TRIM9: variants seen among roughly 807,000 people sequenced by gnomAD.
The protein encoded by TRIM9 is tripartite motif containing 9.
In TRIM9, 26 loss-of-function variants were observed where a neutral mutation model predicts 78.3. That is an observed-to-expected ratio of 0.33 (90% confidence interval 0.24 to 0.46). The LOEUF is 0.46. TRIM9 is among the 20% of genes least tolerant of loss of function. TRIM9 has a pLI of 1.00. For missense variants in TRIM9, 787 were observed against 1,036.4 expected (o/e 0.76, Z 3.30); for synonymous variants, 398 against 416.5 (o/e 0.96, Z 0.54).
Position 50,998,132 on chromosome 14 carries a change from G to C in TRIM9, c.1521C>G (p.Ser507Arg). ...AGGCCTTGACCCGAGCGTTGTATGT[G>C]CTGTTGAAGTGAAGACCATCCACAG... ...MCTVDGLHFN[S>R]TYNARVKAFN... The change falls in exon 7 of 13, where the codon AGC (serine) becomes AGG (arginine). Residue 507 changes from serine (S) to arginine (R), a missense_variant. Ser to Arg is a moderately radical substitution (Grantham distance 110). This residue lies in a region of TRIM9 where 421 missense variants were observed against 514.3 expected (regional missense o/e 0.82). Coordinates refer to ENST00000684578, the MANE Select transcript of TRIM9 (RefSeq NM_001387360.1). 6.2e-7 allele frequency: 1 copy of C among 1,614,192 alleles called. No individual in the cohort carries two copies. Among genetic ancestry groups the C allele is most frequent in the Non-Finnish European group, 8.5e-7 (1 of 1,180,030 alleles).
At chr14:51,025,627 T>A (rs2058145729) in intron 1 of TRIM9, among the ~76,000 whole-genome samples, 2 of 152,200 alleles carry the variant, frequency 1.3e-5, no homozygotes, top group South Asian at 4.1e-4. Flanking sequence ...CTTCATCTCC[T>A]CCTTCATTGA....
At chr14:51,064,924 A>G (rs74054028) in intron 1 of TRIM9, among the ~76,000 whole-genome samples, 3,799 of 152,242 alleles carry the variant, frequency 0.025, 164 homozygotes, top group African/African-American at 0.088. Context: ...ATCATAAATA[A>G]AGCTTAAGGC....
chr14:51,068,201 T>C (rs1480365571), intron 1 of TRIM9, among the ~76,000 whole-genome samples: 1 of 152,152 alleles, frequency 6.6e-6, no homozygotes, highest in Non-Finnish European at 1.5e-5. Flanking sequence ...ATTTACTAAT[T>C]GCCAAGTATC....
intron 1 of TRIM9, among the ~76,000 whole-genome samples, chr14:51,030,435 C>T (rs1416053214): frequency 4.6e-5 from 7 of 152,220 alleles, no homozygotes; most frequent in Admixed American, 2.0e-4. Flanking sequence ...CCTCCAAGAC[C>T]AGCTGGTCTG....
At chr14:51,015,045 A>G (rs1213790679) in intron 3 of TRIM9, among the ~76,000 whole-genome samples, 1 of 152,232 alleles carries the variant, frequency 6.6e-6, no homozygotes, top group Non-Finnish European at 1.5e-5. Flanking sequence ...TTATCAGCGG[A>G]GCCACCATCT....
At chr14:50,993,350 G>A (rs997315059) in intron 7 of TRIM9, among the ~76,000 whole-genome samples, 12 of 151,662 alleles carry the variant, frequency 7.9e-5, no homozygotes, top group Non-Finnish European at 1.3e-4. Flanking sequence ...AAGCTGGAAC[G>A]CTACTCTTTT....
chr14:51,039,234 G>A (rs537054037), intron 1 of TRIM9, among the ~76,000 whole-genome samples: 3 of 152,318 alleles, frequency 2.0e-5, no homozygotes, highest in Non-Finnish European at 4.4e-5. Context: ...GCTACTGAGA[G>A]TGTTAAAATG....
At chr14:51,044,887 G>C (rs996273348) in intron 1 of TRIM9, among the ~76,000 whole-genome samples, 2 of 152,030 alleles carry the variant, frequency 1.3e-5, no homozygotes, top group African/African-American at 4.8e-5. Flanking sequence ...AGTCATTTTT[G>C]TTTTGTTTTT....
intron 3 of TRIM9, among the ~76,000 whole-genome samples, chr14:51,011,539 C>T (rs896874778): frequency 1.3e-5 from 2 of 152,154 alleles, no homozygotes; most frequent in African/African-American, 2.4e-5. Context: ...TAACTACTCA[C>T]ATCCCCAATA....
At chr14:50,980,123 C>T (rs1451490204) in intron 11 of TRIM9, among the ~76,000 whole-genome samples, 2 of 152,194 alleles carry the variant, frequency 1.3e-5, no homozygotes, top group African/African-American at 4.8e-5. Context: ...CAGAAAAACT[C>T]ATTCCAGAAG....
chr14:51,092,112 A>G (rs1351136450), intron 1 of TRIM9, among the ~76,000 whole-genome samples: 1 of 152,226 alleles, frequency 6.6e-6, no homozygotes, highest in Non-Finnish European at 1.5e-5. Flanking sequence ...AACATGGACT[A>G]TAATTAGCAG....
chr14:51,080,033 G>A (rs2063154672), intron 1 of TRIM9, among the ~76,000 whole-genome samples: 1 of 152,148 alleles, frequency 6.6e-6, no homozygotes, highest in Non-Finnish European at 1.5e-5. Flanking sequence ...AACTTCTTTT[G>A]TGCTTTTTGC....
At chr14:51,078,140 C>T (rs2062972443) in intron 1 of TRIM9, among the ~76,000 whole-genome samples, 1 of 152,066 alleles carries the variant, frequency 6.6e-6, no homozygotes, top group East Asian at 1.9e-4. Context: ...CTATGTCAGG[C>T]CTTGAGGTAG....
At position 50,977,427 on chromosome 14, in the gene TRIM9, T is replaced by C. The variant is rs369881118; in HGVS notation, c.2326-74A>G. 259 of 1,176,884 alleles carry C rather than the reference T, an allele frequency of 2.2e-4. 3 individuals carry two copies. In the South Asian group the frequency reaches 6.2e-3, roughly 28 times the overall value. 72.9% of individuals were successfully genotyped at this position (1,176,884 alleles called of 1,614,324 possible). ...CCCTTTACACAGTGTACCGTGGGTG[T>C]GTCCCTAACTCAAAAAGTGTTCTGT... On this transcript the variant is annotated intron_variant, in intron 12 of 12. Transcript: ENST00000684578.
intron 1 of TRIM9, among the ~76,000 whole-genome samples, chr14:51,043,799 T>C (rs61985043): frequency 0.2 from 29,844 of 152,194 alleles, 3,307 homozygotes; most frequent in Non-Finnish European, 0.25. Flanking sequence ...GAATTTCCTT[T>C]CCAAAGGCAT....
intron 7 of TRIM9, among the ~76,000 whole-genome samples, chr14:50,987,540 T>A (rs1251502432): frequency 6.6e-6 from 1 of 152,240 alleles, no homozygotes. Flanking sequence ...GTGTTCCCAC[T>A]AAGAATACAT....
At chr14:51,080,018 C>T (rs1042987213) in intron 1 of TRIM9, among the ~76,000 whole-genome samples, 3 of 152,054 alleles carry the variant, frequency 2.0e-5, no homozygotes, top group Admixed American at 6.6e-5. Flanking sequence ...TTGCCTCATC[C>T]CAGAAACTTC....
Position 51,029,958 on chromosome 14 carries a change from G to A in TRIM9, c.823-4598C>T, listed in dbSNP as rs527319023. 2.5e-4 allele frequency among the ~76,000 whole-genome samples: 38 copies of A among 152,350 alleles called. No homozygotes were observed. In the South Asian group the frequency reaches 7.9e-3, roughly 32 times the overall value. ...GCATGTACAACCAGAGAAGGTGAGAGGATGACTATGATTGATTATGAGGTG... is the reference window on the plus strand; with the variant it reads ...GCATGTACAACCAGAGAAGGTGAGAAGATGACTATGATTGATTATGAGGTG... On this transcript the variant is annotated intron_variant, in intron 1 of 12. Transcript: ENST00000684578.
intron 1 of TRIM9, among the ~76,000 whole-genome samples, chr14:51,051,935 C>A (rs778823999): frequency 1.3e-5 from 2 of 151,030 alleles, no homozygotes; most frequent in Non-Finnish European, 2.9e-5. Flanking sequence ...CCACTGCACT[C>A]CAGCCTAGGC....
Sources: gnomAD v4.1 joint callset for allele counts (sites outside exome capture counted in the v4.1 genomes callset) on GRCh38, gnomAD v4.1.1 for gene constraint, gnomAD v4.1.1 regional missense constraint, MANE v1.5 for transcripts, NCBI Gene and HGNC (gene_info 2026-07-23, HGNC 2026-07-21) for gene names.